The following NPAS2 variants were observed in gnomAD, a reference collection of about 807,000 sequenced individuals.
The protein encoded by NPAS2 is neuronal PAS domain protein 2, also known as neuronal PAS domain-containing protein 2.
NPAS2 carries 23 observed loss-of-function variants against 107.5 expected under a neutral mutation model. The observed-to-expected ratio is 0.21, with a 90% CI of 0.15 to 0.30. The LOEUF (loss-of-function observed/expected upper bound fraction) is 0.30. Among genes scored for constraint, NPAS2 ranks in the 10% least tolerant of loss-of-function variants. The probability of loss-of-function intolerance (pLI) is 1.00; values close to 1 mark genes in which losing one functional copy is unlikely to be tolerated. For synonymous variants in NPAS2, 403 were observed against 417.5 expected (o/e 0.97, Z 0.42); for missense variants, 756 against 1,043.3 (o/e 0.72, Z 3.79).
intron 6 of NPAS2, 113 bp from the exon 7 acceptor site, chr2:100,949,254 C>T: frequency 1.4e-6 from 1 of 701,894 alleles, no homozygotes; most frequent in Non-Finnish European, 2.6e-6. Flanking sequence ...AGAGAACTAG[C>T]CTGGCCATGT....
chr2:100,958,277 T>A (rs1168845840), intron 7 of NPAS2, among the ~76,000 whole-genome samples: 1 of 152,234 alleles, frequency 6.6e-6, no homozygotes, highest in Admixed American at 6.5e-5. Context: ...CGATTTTGTA[T>A]GTTCCGTGGG....
Position 100,991,359 on chromosome 2 carries a change from G to A in NPAS2, c.2111+487G>A, listed in dbSNP as rs142126688. On this transcript the variant is annotated intron_variant, in intron 19 of 20. Coordinates refer to ENST00000335681, the MANE Select transcript of NPAS2 (RefSeq NM_002518.4). ...GTAGGACCAGAAGCAGCTTTACTCA[G>A]CTACTTAATTACTAGGGACAACGGT... is the stretch of plus-strand genomic sequence containing the variant. Among the ~76,000 whole-genome samples, 154 of 152,344 alleles carry A rather than the reference G, an allele frequency of 1.0e-3. 1 individual carries two copies. The highest frequency in any genetic ancestry group is 1.6e-3 in the Non-Finnish European group (107 of 68,036).
chr2:100,932,287 C>T (rs139249596), intron 3 of NPAS2, among the ~76,000 whole-genome samples: 8 of 152,260 alleles, frequency 5.3e-5, no homozygotes, highest in East Asian at 1.9e-4. Context: ...ATTTACAAAT[C>T]GGCATAATGT....
intron 2 of NPAS2, among the ~76,000 whole-genome samples, chr2:100,923,584 C>T (rs1387344252): frequency 1.3e-5 from 2 of 152,166 alleles, no homozygotes; most frequent in Non-Finnish European, 2.9e-5. Context: ...TCTGTCCTGA[C>T]CACACATTGG....
At chr2:100,947,658 T>C (rs948309619) in intron 5 of NPAS2, among the ~76,000 whole-genome samples, 2 of 152,202 alleles carry the variant, frequency 1.3e-5, no homozygotes, top group Non-Finnish European at 2.9e-5. Context: ...CAGCACAGAT[T>C]ACAGACCATT....
At chr2:100,959,327 C>G (rs925760896) in intron 7 of NPAS2, among the ~76,000 whole-genome samples, 9 of 152,130 alleles carry the variant, frequency 5.9e-5, no homozygotes, top group Admixed American at 2.0e-4. Context: ...TGCCTTTTCT[C>G]CAACATTGCT....
intron 17 of NPAS2, chr2:100,989,535 G>T (rs1260566633): frequency 6.6e-6 from 1 of 152,202 alleles, no homozygotes; most frequent in Non-Finnish European, 1.5e-5. Context: ...TAAAAACTAA[G>T]AATGAGAGCA....
chr2:100,895,619 C>T (rs1254698163), intron 1 of NPAS2, among the ~76,000 whole-genome samples: 1 of 152,182 alleles, frequency 6.6e-6, no homozygotes, highest in African/African-American at 2.4e-5. Flanking sequence ...CTCCTCCCCG[C>T]CCCTCCACAC....
At chr2:100,954,969 C>T (rs555992104) in intron 7 of NPAS2, among the ~76,000 whole-genome samples, 1 of 151,958 alleles carries the variant, frequency 6.6e-6, no homozygotes, top group Non-Finnish European at 1.5e-5. Context: ...CCTCTGCCTC[C>T]AGGGTTCAAG....
At chr2:100,898,561 C>T (rs1458722220) in intron 1 of NPAS2, among the ~76,000 whole-genome samples, 3 of 152,104 alleles carry the variant, frequency 2.0e-5, no homozygotes, top group African/African-American at 4.8e-5. Flanking sequence ...AATTGGGAAA[C>T]ATGGAGTTAG....
At position 100,821,215 on chromosome 2, in the gene NPAS2, T is replaced by A. The variant is rs977049666; in HGVS notation, c.-23+801T>A. The A allele has an allele frequency of 9.2e-6, 12 of 1,301,446 alleles. No homozygotes were observed. The Admixed American group carries it at 1.2e-4, about 13-fold the overall frequency. The allele number at this position is 1,301,446 out of a possible 1,614,324, so 80.6% of individuals were successfully genotyped here. On this transcript the variant is annotated intron_variant, in intron 1 of 20. Transcript: ENST00000335681. ...ATTGCTCAAGGTAAGAAAGTTTGTT[T>A]CAGCCCTGTGATTCATAAATAATTA... is the stretch of plus-strand genomic sequence containing the variant.
chr2:100,883,066 C>A (rs1680472025), intron 1 of NPAS2, among the ~76,000 whole-genome samples: 1 of 152,124 alleles, frequency 6.6e-6, no homozygotes, highest in Admixed American at 6.5e-5. Flanking sequence ...GGAAACAGCT[C>A]CACAGCAGTG....
intron 1 of NPAS2, among the ~76,000 whole-genome samples, chr2:100,830,007 C>T (rs1457891921): frequency 6.6e-6 from 1 of 152,152 alleles, no homozygotes; most frequent in Non-Finnish European, 1.5e-5. Context: ...TCAGAGTCAA[C>T]AGACCACACA....
At chr2:100,920,576 A>G (rs1683157582) in intron 2 of NPAS2, among the ~76,000 whole-genome samples, 1 of 152,142 alleles carries the variant, frequency 6.6e-6, no homozygotes, top group African/African-American at 2.4e-5. Flanking sequence ...TATGTGGCCC[A>G]CAATCCCCAT....
chr2:100,883,298 G>A (rs918927681), intron 1 of NPAS2, among the ~76,000 whole-genome samples: 5 of 152,158 alleles, frequency 3.3e-5, no homozygotes, highest in African/African-American at 4.8e-5. Flanking sequence ...CCAGGCTATC[G>A]GTGAACTGGG....
Position 100,976,241 on chromosome 2 carries a change from C to T in NPAS2, c.1392+674C>T, listed in dbSNP as rs1307725649. ...ATGCACCCACCAGATGGTGTCTGCA[C>T]ATGAATGTCCAGCAGCCGGGCTGGG... On this transcript the variant is annotated intron_variant, in intron 14 of 20. Coordinates refer to ENST00000335681, the MANE Select transcript of NPAS2 (RefSeq NM_002518.4). The surrounding 1 kb of genome is among the most constrained non-coding windows in gnomAD (Gnocchi z 4.1). 6.6e-6 allele frequency among the ~76,000 whole-genome samples: 1 copy of T among 152,016 alleles called. No homozygotes were observed. Among genetic ancestry groups the T allele is most frequent in the African/African-American group, 2.4e-5 (1 of 41,364 alleles).
At chr2:100,858,308 G>A (rs1678712218) in intron 1 of NPAS2, among the ~76,000 whole-genome samples, 1 of 152,194 alleles carries the variant, frequency 6.6e-6, no homozygotes, top group East Asian at 1.9e-4. Flanking sequence ...CTGGTAGGTG[G>A]TGATAATGGT....
intron 2 of NPAS2, among the ~76,000 whole-genome samples, chr2:100,909,155 A>G (rs1331844253): frequency 6.6e-6 from 1 of 152,246 alleles, no homozygotes; most frequent in Non-Finnish European, 1.5e-5. Flanking sequence ...GGCTGAGACC[A>G]TCCCATCTGT....
At chr2:100,861,615 G>C (rs894516606) in intron 1 of NPAS2, among the ~76,000 whole-genome samples, 1 of 152,168 alleles carries the variant, frequency 6.6e-6, no homozygotes, top group African/African-American at 2.4e-5. Flanking sequence ...ACACAGGAAG[G>C]AGGCCTGGGC....
Sources: gnomAD v4.1 joint callset for allele counts (sites outside exome capture counted in the v4.1 genomes callset) on GRCh38, gnomAD v4.1.1 for gene constraint, Gnocchi (gnomAD v3.1) non-coding constraint, MANE v1.5 for transcripts, NCBI Gene and HGNC (gene_info 2026-07-23, HGNC 2026-07-21) for gene names.